Variants in ARHGEF10 observed in about 807,000 individuals in gnomAD.
ARHGEF10 encodes Rho guanine nucleotide exchange factor 10.
In ARHGEF10, 140 loss-of-function variants were observed where a neutral mutation model predicts 147.4. The ratio of observed to expected loss-of-function variants is 0.95; its 90% CI spans 0.83 to 1.09. The LOEUF is 1.09. ARHGEF10 is among the 50% of genes least tolerant of loss of function. ARHGEF10 has a pLI of 0.00. For synonymous variants in ARHGEF10, 902 were observed against 695.8 expected (o/e 1.30, Z -4.67); for missense variants, 2,222 against 1,752.7 (o/e 1.27, Z -4.78).
At chr8:1,835,396 T>C (rs1306671455) in intron 1 of ARHGEF10, among the ~76,000 whole-genome samples, 1 of 152,008 alleles carries the variant, frequency 6.6e-6, no homozygotes, top group Non-Finnish European at 1.5e-5. Flanking sequence ...CAAGGGCCTG[T>C]GTGGCTGGGA....
chr8:1,945,692 A>C (rs1291023627), intron 27 of ARHGEF10, 37 bp downstream of exon 27: 21 of 1,612,474 alleles, frequency 1.3e-5, no homozygotes, highest in Non-Finnish European at 1.7e-5. Flanking sequence ...ATGGGACAGC[A>C]ACCGGGGACG....
chr8:1,903,412 G>A lies in ARHGEF10; in HGVS notation c.1782G>A (p.Lys594=). 1.9e-6 allele frequency: 3 copies of A among 1,614,234 alleles called. No individual in the cohort carries two copies. The highest frequency in any genetic ancestry group is 1.3e-5 in the African/African-American group (1 of 75,066). Residue 594 remains lysine, a synonymous_variant, in exon 16 of 29, where the codon AAG becomes AAA. Transcript: ENST00000349830. ...ATGCTGATCAACGCTGTGAAGTGAA[G>A]CAAATAGCCAAAGCCATAAACGAAA... ...KRDADQRCEV[K]QIAKAINERY...
intron 26 of ARHGEF10, among the ~76,000 whole-genome samples, chr8:1,936,527 G>A (rs548928577): frequency 6.6e-6 from 1 of 152,114 alleles, no homozygotes; most frequent in East Asian, 1.9e-4. Context: ...AAATTCCTTT[G>A]ACCCTCACAC....
intron 15 of ARHGEF10, among the ~76,000 whole-genome samples, chr8:1,901,705 A>G (rs1395844484): frequency 1.3e-5 from 2 of 152,168 alleles, no homozygotes; most frequent in East Asian, 3.9e-4. Context: ...TGCTGTCTCC[A>G]TCGCACGCCT....
chr8:1,923,997 G>C (rs1812494320), intron 21 of ARHGEF10, 123 bp downstream of exon 21: 1 of 957,344 alleles, frequency 1.0e-6, no homozygotes, highest in Non-Finnish European at 1.6e-6. Context: ...ACCTGAAAGA[G>C]TGTTTCTAAA....
At chr8:1,858,607 T>C (rs1190857380) in intron 3 of ARHGEF10, 1 of 156,830 alleles carries the variant, frequency 6.4e-6, no homozygotes, top group Non-Finnish European at 1.4e-5. Flanking sequence ...GAAGTAGCTG[T>C]AGAGGTTTCG....
At chr8:1,914,262 C>A (rs1811589716) in intron 18 of ARHGEF10, among the ~76,000 whole-genome samples, 1 of 152,198 alleles carries the variant, frequency 6.6e-6, no homozygotes, top group Non-Finnish European at 1.5e-5. Flanking sequence ...CATGAGGCTC[C>A]CCTGAGCTGC....
intron 8 of ARHGEF10, 85 bp downstream of exon 8, chr8:1,876,819 T>C: frequency 1.4e-6 from 2 of 1,434,850 alleles, no homozygotes; most frequent in Non-Finnish European, 2.0e-6. Context: ...ATCCACCTAG[T>C]ACTTCATAGT....
intron 25 of ARHGEF10, among the ~76,000 whole-genome samples, chr8:1,932,464 GTGTA>G (rs934619529): frequency 3.4e-4 from 51 of 152,228 alleles, no homozygotes; most frequent in African/African-American, 1.1e-3. Flanking sequence ...GCCTGCATGT[GTGTA>G]TGTGTGTGAC....
At chr8:1,890,782 A>C (rs1397551965) in intron 11 of ARHGEF10, among the ~76,000 whole-genome samples, 1 of 150,812 alleles carries the variant, frequency 6.6e-6, no homozygotes, top group Admixed American at 6.6e-5. Context: ...GTGTGTGCAC[A>C]TATCAGAGGA....
chr8:1,868,751 C>G (rs906964975), intron 6 of ARHGEF10, among the ~76,000 whole-genome samples: 1 of 152,130 alleles, frequency 6.6e-6, no homozygotes, highest in Non-Finnish European at 1.5e-5. Flanking sequence ...TTTCTTATTT[C>G]TGGAAGTCTG....
At chr8:1,895,443 T>C (rs1809892321) in intron 13 of ARHGEF10, among the ~76,000 whole-genome samples, 1 of 152,246 alleles carries the variant, frequency 6.6e-6, no homozygotes, top group Non-Finnish European at 1.5e-5. Flanking sequence ...GTATATGTAC[T>C]TGATGAGGTC....
intron 12 of ARHGEF10, 85 bp from the exon 13 acceptor site, chr8:1,894,308 C>T (rs1423690950): frequency 6.9e-7 from 1 of 1,443,078 alleles, no homozygotes; most frequent in African/African-American, 1.4e-5. Flanking sequence ...CATGATCGCA[C>T]CACTGCGCTG....
intron 26 of ARHGEF10, among the ~76,000 whole-genome samples, chr8:1,940,685 C>G (rs1249676615): frequency 1.3e-5 from 2 of 152,188 alleles, no homozygotes; most frequent in Admixed American, 1.3e-4. Context: ...AAACCACAGA[C>G]CGGTATCCAC....
chr8:1,921,438 G>C (rs1397917546), intron 18 of ARHGEF10, among the ~76,000 whole-genome samples: 2 of 152,182 alleles, frequency 1.3e-5, no homozygotes, highest in Non-Finnish European at 2.9e-5. Flanking sequence ...AAGAATTTCA[G>C]GATGTCCAGG....
Position 1,876,676 on chromosome 8 carries a change from A to T in ARHGEF10, c.785A>T (p.Asp262Val), listed in dbSNP as rs1046655199. ...SEFESYEEQS[D>V]SECKNGIPRS... ...TTTGAAAGTTACGAAGAGCAGAGTG[A>T]CTCGGAGTGCAAGAATGGGATTCCC... The change falls in exon 8 of 29, where the codon GAC (aspartate) becomes GTC (valine). Residue 262 changes from aspartate (D) to valine (V), a missense_variant. Coordinates refer to ENST00000349830, the MANE Select transcript of ARHGEF10 (RefSeq NM_014629.4). 6.2e-7 allele frequency: 1 copy of T among 1,614,210 alleles called. No homozygotes were observed. Among genetic ancestry groups the T allele is most frequent in the Non-Finnish European group, 8.5e-7 (1 of 1,180,032 alleles).
At chr8:1,848,877 C>G (rs932550401) in intron 2 of ARHGEF10, among the ~76,000 whole-genome samples, 1 of 152,022 alleles carries the variant, frequency 6.6e-6, no homozygotes, top group Admixed American at 6.6e-5. Flanking sequence ...TTTTCCCTGA[C>G]AAACCTAGGC....
At position 1,888,130 on chromosome 8, in the gene ARHGEF10, T is replaced by TTTGCGAGGAGACACTTAGTGGGGTGAGGG. The variant is rs1808880866; in HGVS notation, c.1182+2446_1182+2447insTGAGGGTTGCGAGGAGACACTTAGTGGGG. Among the ~76,000 whole-genome samples, 5 of 29,006 alleles carry TTTGCGAGGAGACACTTAGTGGGGTGAGGG rather than the reference T, an allele frequency of 1.7e-4. 1 individual carries two copies. The highest frequency in any genetic ancestry group is 9.7e-4 in the Admixed American group (3 of 3,094). 19.0% of individuals were successfully genotyped at this position (29,006 alleles called of 152,430 possible). A position where few individuals can be genotyped will look rare whatever the true frequency, so the allele number is the denominator to read the frequency against. On this transcript the variant is annotated intron_variant, in intron 11 of 28. Transcript: ENST00000349830. The stretch of plus-strand genomic sequence containing the variant: ...GAGGAGACACTTAGTGGGGTGAGGG[T>TTTGCGAGGAGACACTTAGTGGGGTGAGGG]TTGCGAGGAGACACTTAGTGGGGCG...
chr8:1,859,103 C>G (rs1363922801), intron 3 of ARHGEF10, among the ~76,000 whole-genome samples: 2 of 142,990 alleles, frequency 1.4e-5, no homozygotes, highest in African/African-American at 2.6e-5. Context: ...GTACCCGCCT[C>G]TCTGCTTGCA....
Sources: gnomAD v4.1 joint callset for allele counts (sites outside exome capture counted in the v4.1 genomes callset) on GRCh38, gnomAD v4.1.1 for gene constraint, MANE v1.5 for transcripts, NCBI Gene and HGNC (gene_info 2026-07-23, HGNC 2026-07-21) for gene names.